The following ARHGAP44 variants were observed in gnomAD, a reference collection of about 807,000 sequenced individuals.
ARHGAP44 encodes Rho GTPase activating protein 44.
ARHGAP44 carries 43 observed loss-of-function variants against 106.8 expected under a neutral mutation model. The ratio of observed to expected loss-of-function variants is 0.40; its 90% CI spans 0.32 to 0.52. ARHGAP44 has a LOEUF of 0.52. Among genes scored for constraint, ARHGAP44 ranks in the 20% least tolerant of loss-of-function variants. ARHGAP44 has a pLI of 0.48. For missense variants in ARHGAP44, 866 were observed against 1,050.5 expected (o/e 0.82, Z 2.43); for synonymous variants, 439 against 410.3 (o/e 1.07, Z -0.85).
At chr17:12,987,138 AGG>A (rs1183407560) in intron 20 of ARHGAP44, 1 of 1,530,794 alleles carries the variant, frequency 6.5e-7, no homozygotes, top group East Asian at 2.5e-5. Flanking sequence ...GATACGTGTG[AGG>A]GGGATTTTCA....
At chr17:12,985,890 TACAC>T (rs1042500123) in intron 20 of ARHGAP44, 1 of 152,224 alleles carries the variant, frequency 6.6e-6, no homozygotes, top group South Asian at 2.1e-4. Context: ...ACACACCACA[TACAC>T]ACACACCCAC....
intron 1 of ARHGAP44, among the ~76,000 whole-genome samples, chr17:12,841,637 C>CAAACAA (rs140882682): frequency 9.8e-6 from 1 of 101,618 alleles, no homozygotes; most frequent in Non-Finnish European, 2.1e-5. Flanking sequence ...CACACACACA[C>CAAACAA]ACAAACAAAC....
At chr17:12,835,189 A>C (rs951516628) in intron 1 of ARHGAP44, among the ~76,000 whole-genome samples, 5 of 152,180 alleles carry the variant, frequency 3.3e-5, no homozygotes, top group African/African-American at 1.2e-4. Context: ...TCTTGGGGAA[A>C]GGTTTTCAAC....
rs2033667616 is a variant in ARHGAP44 at position 12,789,661 on chromosome 17, G to A, written c.-178G>A. On this transcript the variant is annotated 5_prime_UTR_variant, in exon 1 of 21. Coordinates refer to ENST00000379672, the MANE Select transcript of ARHGAP44 (RefSeq NM_014859.6). ...GCGGCAGGAGGCGGCGCGGCGGGAG[G>A]AGTAGGCGGCGGCGCCCTCGGGAGG... 2 of 389,526 alleles carry A rather than the reference G, an allele frequency of 5.1e-6. No homozygotes were observed. The highest frequency in any genetic ancestry group is 8.8e-6 in the Non-Finnish European group (2 of 227,878). 24.1% of individuals were successfully genotyped at this position (389,526 alleles called of 1,614,324 possible). A position where few individuals can be genotyped will look rare whatever the true frequency, so the allele number is the denominator to read the frequency against.
intron 1 of ARHGAP44, among the ~76,000 whole-genome samples, chr17:12,832,425 T>C (rs2035117827): frequency 6.6e-6 from 1 of 152,150 alleles, no homozygotes; most frequent in Non-Finnish European, 1.5e-5. Flanking sequence ...GGTTTTATAA[T>C]ACTAGTATTA....
intron 1 of ARHGAP44, among the ~76,000 whole-genome samples, chr17:12,885,979 C>CT (rs1214630416): frequency 6.6e-6 from 1 of 151,896 alleles, no homozygotes; most frequent in Non-Finnish European, 1.5e-5. Flanking sequence ...TATTTTATAA[C>CT]TTTTTTTAAT....
At chr17:12,919,510 C>T (rs149430006) in intron 5 of ARHGAP44, among the ~76,000 whole-genome samples, 2 of 151,832 alleles carry the variant, frequency 1.3e-5, no homozygotes, top group South Asian at 2.1e-4. Context: ...CTCAGACTCC[C>T]GAGTAACTGG....
intron 1 of ARHGAP44, among the ~76,000 whole-genome samples, chr17:12,882,598 G>C (rs1414222480): frequency 1.3e-5 from 2 of 152,002 alleles, no homozygotes; most frequent in Non-Finnish European, 2.9e-5. Context: ...TGTTTTATAG[G>C]TGCTTTTTAA....
intron 12 of ARHGAP44, among the ~76,000 whole-genome samples, chr17:12,950,855 C>T (rs1380482184): frequency 6.6e-6 from 1 of 152,100 alleles, no homozygotes; most frequent in Non-Finnish European, 1.5e-5. Context: ...GTGTGTTTCT[C>T]AACAACACCA....
At chr17:12,966,244 C>A (rs2039388766) in intron 16 of ARHGAP44, among the ~76,000 whole-genome samples, 1 of 151,700 alleles carries the variant, frequency 6.6e-6, no homozygotes, top group Admixed American at 6.6e-5. Context: ...TATGATAAGA[C>A]AAACTTACCT....
chr17:12,941,105 A>G lies in ARHGAP44; in HGVS notation c.632A>G (p.Tyr211Cys), dbSNP rs766856115. 12 of 1,613,922 alleles carry G rather than the reference A, an allele frequency of 7.4e-6. No homozygotes were observed. Among genetic ancestry groups the G allele is most frequent in the South Asian group, 5.5e-5 (5 of 91,090 alleles). Reference sequence around the variant, plus strand: ...AGTTTTGTGGCCAAAGAAATTGACTATGCAAACTACTTTCAAACGGTAAGT... The same window carrying G: ...AGTTTTGTGGCCAAAGAAATTGACTGTGCAAACTACTTTCAAACGGTAAGT... ...MYSFVAKEIDYANYFQTLIEV... is the reference protein window; with the variant it reads ...MYSFVAKEIDCANYFQTLIEV... The change falls in exon 8 of 21, where the codon TAT (tyrosine) becomes TGT (cysteine). Residue 211 changes from tyrosine (Y) to cysteine (C), a missense_variant. By Grantham distance (194) the Tyr-to-Cys change is radical. This residue lies in a region of ARHGAP44 where 448 missense variants were observed against 646.9 expected (regional missense o/e 0.69). Coordinates refer to ENST00000379672, the MANE Select transcript of ARHGAP44 (RefSeq NM_014859.6).
intron 1 of ARHGAP44, among the ~76,000 whole-genome samples, chr17:12,823,126 A>G (rs1054472116): frequency 2.0e-5 from 3 of 152,264 alleles, no homozygotes; most frequent in South Asian, 2.1e-4. Flanking sequence ...TGTCCTTATG[A>G]TAAAATGAAT....
At chr17:12,814,275 C>T (rs1179508221) in intron 1 of ARHGAP44, among the ~76,000 whole-genome samples, 1 of 133,494 alleles carries the variant, frequency 7.5e-6, no homozygotes, top group African/African-American at 2.9e-5. Flanking sequence ...GAGTCTTGCA[C>T]TTTCACCCAG....
At chr17:12,986,947 G>A (rs1019945902) in intron 20 of ARHGAP44, 12 of 675,382 alleles carry the variant, frequency 1.8e-5, no homozygotes, top group South Asian at 7.9e-5. Flanking sequence ...TGTCCCATAC[G>A]TTCAGGTCTC....
At chr17:12,979,176 T>A (rs1342500684) in intron 18 of ARHGAP44, among the ~76,000 whole-genome samples, 1 of 152,184 alleles carries the variant, frequency 6.6e-6, no homozygotes, top group Non-Finnish European at 1.5e-5. Flanking sequence ...TGGAAAGGAT[T>A]GAGAACACTG....
At position 12,869,034 on chromosome 17, in the gene ARHGAP44, A is replaced by G. The variant is rs377181975; in HGVS notation, c.54-25906A>G. The stretch of plus-strand genomic sequence containing the variant: ...TGGAGGACACAAGAAATACATATTT[A>G]AGGGTTTGGTATAATAAAAGTAAAG... On this transcript the variant is annotated intron_variant, in intron 1 of 20. Coordinates refer to ENST00000379672, the MANE Select transcript of ARHGAP44 (RefSeq NM_014859.6). 2.5e-4 allele frequency among the ~76,000 whole-genome samples: 38 copies of G among 152,308 alleles called. No individual in the cohort carries two copies. In the East Asian group the frequency reaches 5.6e-3, roughly 22 times the overall value.
At chr17:12,818,885 A>G (rs1432608698) in intron 1 of ARHGAP44, among the ~76,000 whole-genome samples, 1 of 152,070 alleles carries the variant, frequency 6.6e-6, no homozygotes, top group Non-Finnish European at 1.5e-5. Context: ...TCCCATCAGA[A>G]TTTCAGCAGC....
intron 1 of ARHGAP44, among the ~76,000 whole-genome samples, chr17:12,862,707 G>T (rs1267305831): frequency 6.6e-6 from 1 of 152,152 alleles, no homozygotes; most frequent in African/African-American, 2.4e-5. Context: ...TTTTTAAGAT[G>T]ATTGGGGCCA....
chr17:12,819,029 C>T (rs1295631850), intron 1 of ARHGAP44, among the ~76,000 whole-genome samples: 1 of 151,978 alleles, frequency 6.6e-6, no homozygotes, highest in East Asian at 1.9e-4. Flanking sequence ...TACAGTAAAG[C>T]TACTATGAAC....
Sources: gnomAD v4.1 joint callset for allele counts (sites outside exome capture counted in the v4.1 genomes callset) on GRCh38, gnomAD v4.1.1 for gene constraint, gnomAD v4.1.1 regional missense constraint, MANE v1.5 for transcripts, NCBI Gene and HGNC (gene_info 2026-07-23, HGNC 2026-07-21) for gene names.